Variants in FNDC1 observed in about 807,000 individuals in gnomAD.
FNDC1 encodes the protein fibronectin type III domain containing 1.
FNDC1 carries 96 observed loss-of-function variants against 168.0 expected under a neutral mutation model. The ratio of observed to expected loss-of-function variants is 0.57; its 90% CI spans 0.48 to 0.68. The LOEUF (loss-of-function observed/expected upper bound fraction) is 0.68, where lower values mean the gene tolerates loss of function less well. Ranked by LOEUF, FNDC1 falls within the 30% of genes least tolerant of loss-of-function variation. The pLI is 0.00. For synonymous variants in FNDC1, 1,099 were observed against 1,025.9 expected (o/e 1.07, Z -1.36); for missense variants, 2,587 against 2,482.1 (o/e 1.04, Z -0.90).
Position 159,236,044 on chromosome 6 carries a change from G to A in FNDC1, c.3968-171G>A, listed in dbSNP as rs146078335. On this transcript the variant is annotated intron_variant, in intron 11 of 22. Coordinates refer to ENST00000297267, the MANE Select transcript of FNDC1 (RefSeq NM_032532.3). ...TGACATTCATATCTGTTGTGGAGAAGTCATAATTTGAGACTATCATTATCT... is the reference window on the plus strand; with the variant it reads ...TGACATTCATATCTGTTGTGGAGAAATCATAATTTGAGACTATCATTATCT... Among the ~76,000 whole-genome samples, 360 of 152,330 alleles carry A rather than the reference G, an allele frequency of 2.4e-3. 1 individual carries two copies. Among genetic ancestry groups the A allele is most frequent in the African/African-American group, 8.0e-3 (331 of 41,566 alleles).
intron 1 of FNDC1, among the ~76,000 whole-genome samples, chr6:159,190,821 T>G (rs1782120799): frequency 6.6e-6 from 1 of 152,232 alleles, no homozygotes; most frequent in Admixed American, 6.5e-5. Context: ...TGAAACGTAA[T>G]TTGTTATTGA....
Position 159,225,735 on chromosome 6 carries a change from A to C in FNDC1, c.1072+13A>C. Reference sequence around the variant, plus strand: ...ACACCAGAATCTGGTCTGTATTTGAAATGGCCTTTGAATTTTCAATTTGGG... The same window carrying C: ...ACACCAGAATCTGGTCTGTATTTGACATGGCCTTTGAATTTTCAATTTGGG... On this transcript the variant is annotated intron_variant, in intron 8 of 22. Coordinates refer to ENST00000297267, the MANE Select transcript of FNDC1 (RefSeq NM_032532.3). 2 of 1,582,022 alleles carry C rather than the reference A, an allele frequency of 1.3e-6. No homozygotes were observed. Among genetic ancestry groups the C allele is most frequent in the Non-Finnish European group, 1.7e-6 (2 of 1,158,228 alleles).
intron 1 of FNDC1, among the ~76,000 whole-genome samples, chr6:159,181,178 C>T (rs1781870143): frequency 6.6e-6 from 1 of 152,198 alleles, no homozygotes; most frequent in African/African-American, 2.4e-5. Flanking sequence ...GCCATTCTGA[C>T]TGGCATGAGA....
intron 16 of FNDC1, among the ~76,000 whole-genome samples, chr6:159,250,379 A>G (rs964438449): frequency 2.6e-5 from 4 of 152,248 alleles, no homozygotes; most frequent in African/African-American, 9.6e-5. Flanking sequence ...TAGAGAAACT[A>G]AAAACTGCAT....
chr6:159,233,247 G>C lies in FNDC1; in HGVS notation c.2735G>C (p.Ser912Thr). 2.5e-6 allele frequency: 4 copies of C among 1,613,970 alleles called. No homozygotes were observed. Among genetic ancestry groups the C allele is most frequent in the Non-Finnish European group, 2.5e-6 (3 of 1,179,878 alleles). Residue 912 changes from serine to threonine, a missense_variant, in exon 11 of 23, where the codon AGC becomes ACC. By Grantham distance (58) the Ser-to-Thr change is moderately conservative (BLOSUM62 1). Coordinates refer to ENST00000297267, the MANE Select transcript of FNDC1 (RefSeq NM_032532.3). The surrounding 1 kb of genome is among the most constrained non-coding windows in gnomAD (Gnocchi z 4.6). ...ISRGWEDLRRSPQRGASLHRK... is the reference protein window; with the variant it reads ...ISRGWEDLRRTPQRGASLHRK... ...CGGGGCTGGGAGGACTTAAGGAGAA[G>C]CCCGCAGAGAGGGGCCAGCCTGCAT...
chr6:159,226,879 C>T (rs916628189), intron 9 of FNDC1, among the ~76,000 whole-genome samples: 10 of 152,190 alleles, frequency 6.6e-5, no homozygotes, highest in African/African-American at 2.4e-4. Context: ...CCCTGGCTTC[C>T]ATGCTATGGG....
chr6:159,262,857 C>G (rs1410418147), intron 19 of FNDC1, among the ~76,000 whole-genome samples: 1 of 152,192 alleles, frequency 6.6e-6, no homozygotes, highest in Non-Finnish European at 1.5e-5. Flanking sequence ...CCCAGAGGAG[C>G]CTCACACACA....
chr6:159,247,421 T>C (rs1171702608), intron 15 of FNDC1, among the ~76,000 whole-genome samples: 1 of 152,182 alleles, frequency 6.6e-6, no homozygotes, highest in African/African-American at 2.4e-5. Flanking sequence ...GTTGATTTCT[T>C]ATCATAGAAT....
intron 1 of FNDC1, among the ~76,000 whole-genome samples, chr6:159,189,402 T>C (rs1001686429): frequency 6.6e-6 from 1 of 152,272 alleles, no homozygotes; most frequent in East Asian, 1.9e-4. Flanking sequence ...CCTGGGCAGT[T>C]TGGGGTCACA....
chr6:159,201,695 C>G (rs1373548701), intron 4 of FNDC1, among the ~76,000 whole-genome samples: 1 of 152,146 alleles, frequency 6.6e-6, no homozygotes, highest in Non-Finnish European at 1.5e-5. Context: ...GTACAGCTAG[C>G]AAGTGTGCAA....
At chr6:159,249,481 T>G (rs1241314013) in intron 16 of FNDC1, among the ~76,000 whole-genome samples, 1 of 152,100 alleles carries the variant, frequency 6.6e-6, no homozygotes, top group Non-Finnish European at 1.5e-5. Context: ...GGAACATGAG[T>G]GTTTTTATTG....
chr6:159,240,079 A>G (rs1259710349), intron 14 of FNDC1, 122 bp downstream of exon 14: 1 of 907,324 alleles, frequency 1.1e-6, no homozygotes, highest in African/African-American at 1.7e-5. Flanking sequence ...CAGCAACCCG[A>G]TGCATTTTTG....
At position 159,266,325 on chromosome 6, in the gene FNDC1, A is replaced by G. The variant is rs369288993; in HGVS notation, c.5446+80A>G. 75 of 1,447,998 alleles carry G rather than the reference A, an allele frequency of 5.2e-5. No individual in the cohort carries two copies. The East Asian group carries it at 1.0e-3, about 20-fold the overall frequency. 89.7% of individuals were successfully genotyped at this position (1,447,998 alleles called of 1,614,324 possible). On this transcript the variant is annotated intron_variant, in intron 21 of 22. Coordinates refer to ENST00000297267, the MANE Select transcript of FNDC1 (RefSeq NM_032532.3). ...AGTACAAACTTGGCACCACAGGTGCATCGGAATGTTTATGAGGGCTGGAGC... is the reference window on the plus strand; with the variant it reads ...AGTACAAACTTGGCACCACAGGTGCGTCGGAATGTTTATGAGGGCTGGAGC...
chr6:159,210,991 G>A (rs1782591358), intron 4 of FNDC1, among the ~76,000 whole-genome samples: 1 of 152,192 alleles, frequency 6.6e-6, no homozygotes, highest in South Asian at 2.1e-4. Context: ...CTGGCCAGGT[G>A]CTTCTGGTTC....
chr6:159,245,389 T>C (rs2115007847), intron 14 of FNDC1, among the ~76,000 whole-genome samples: 1 of 152,330 alleles, frequency 6.6e-6, no homozygotes, highest in South Asian at 2.1e-4. Flanking sequence ...CTTCCTGTTT[T>C]CCCCACCTTG....
Position 159,223,577 on chromosome 6 carries a change from A to T in FNDC1, c.816A>T (p.Ser272=). ...VPDDISVRVM[S]SQSVLVSWVD... is the part of the protein sequence containing the mutation. ...ACGACATCAGCGTCCGGGTTATGTC[A>T]TCTCAGTCTGTGCTTGTGTCCTGGG... The change falls in exon 7 of 23, where the codon TCA becomes TCT. Residue 272 remains serine, a synonymous_variant. Coordinates refer to ENST00000297267, the MANE Select transcript of FNDC1 (RefSeq NM_032532.3). The T allele has an allele frequency of 6.2e-7, 1 of 1,613,882 alleles. No homozygotes were observed. Among genetic ancestry groups the T allele is most frequent in the South Asian group, 1.1e-5 (1 of 91,066 alleles).
At position 159,264,224 on chromosome 6, in the gene FNDC1, T is replaced by C. The variant is rs77734396; in HGVS notation, c.5255-751T>C. Among the ~76,000 whole-genome samples, 153 of 152,370 alleles carry C rather than the reference T, an allele frequency of 1.0e-3. 2 individuals are homozygous for C. The East Asian group carries it at 0.028, about 28-fold the overall frequency. ...ACAGTTTCCTCCTGCTACTGTGCAA[T>C]GCAGCTTTCCCAGGGTCCTTGTCTC... On this transcript the variant is annotated intron_variant, in intron 19 of 22. Transcript: ENST00000297267.
rs1460481114 is a variant in FNDC1 at position 159,197,465 on chromosome 6, G to C, written c.144G>C (p.Leu48=). Residue 48 remains leucine, a synonymous_variant, in exon 2 of 23, where the codon CTG becomes CTC. Coordinates refer to ENST00000297267, the MANE Select transcript of FNDC1 (RefSeq NM_032532.3). ...DHPLKPRHVK[L]LSTKMGLKVT... ...CACTGAAGCCAAGGCATGTGAAACT[G>C]CTGTCCACTAAAATGGGCCTGAAAG... The C allele has an allele frequency of 6.2e-7, 1 of 1,613,754 alleles. No individual in the cohort carries two copies. Among genetic ancestry groups the C allele is most frequent in the Non-Finnish European group, 8.5e-7 (1 of 1,179,774 alleles).
Position 159,265,018 on chromosome 6 carries a change from C to T in FNDC1, c.5284+14C>T. 1 of 1,597,354 alleles carries T rather than the reference C, an allele frequency of 6.3e-7. No individual in the cohort carries two copies. Among genetic ancestry groups the T allele is most frequent in the Non-Finnish European group, 8.6e-7 (1 of 1,168,562 alleles). ...TGAGGCCCCCAGGTAAGTTTATGTT[C>T]TTGATAATCTGGACATTCTGGTAAT... On this transcript the variant is annotated intron_variant, in intron 20 of 22. Coordinates refer to ENST00000297267, the MANE Select transcript of FNDC1 (RefSeq NM_032532.3).
Sources: allele counts gnomAD v4.1 joint callset (sites outside exome capture counted in the v4.1 genomes callset), GRCh38; gene constraint gnomAD v4.1.1; non-coding constraint Gnocchi (gnomAD v3.1); transcripts MANE v1.5; gene names NCBI Gene and HGNC (gene_info 2026-07-23, HGNC 2026-07-21).